PLCG1: variants seen among roughly 807,000 people sequenced by gnomAD.
PLCG1 encodes phospholipase C gamma 1.
PLCG1 carries 71 observed loss-of-function variants against 177.8 expected under a neutral mutation model. That is an observed-to-expected ratio of 0.40 (90% CI 0.33 to 0.49). The LOEUF is 0.49. Ranked by LOEUF, PLCG1 falls within the 20% of genes least tolerant of loss-of-function variation. PLCG1 has a pLI of 0.72. For missense variants in PLCG1, 1,281 were observed against 1,709.0 expected (o/e 0.75, Z 4.42); for synonymous variants, 658 against 647.9 (o/e 1.02, Z -0.24).
At position 41,172,666 on chromosome 20, in the gene PLCG1, G is replaced by A. The variant is rs749654975; in HGVS notation, c.3130+21G>A. On this transcript the variant is annotated intron_variant, in intron 26 of 31. Coordinates refer to ENST00000685551, the MANE Select transcript of PLCG1 (RefSeq NM_002660.3). This position sits in a 1 kb window ranked among gnomAD's most constrained non-coding sequence, Gnocchi z 7.0. The stretch of plus-strand genomic sequence containing the variant: ...CCCTGGTGAGGAAGTCCCCTGTGAG[G>A]AGGGTGAGGAGGGGCACTGTGGGGC... The A allele has an allele frequency of 6.2e-7, 1 of 1,612,936 alleles. No homozygotes were observed. The highest frequency in any genetic ancestry group is 1.1e-5 in the South Asian group (1 of 91,022).
At chr20:41,138,504 T>G (rs1243875909) in intron 1 of PLCG1, among the ~76,000 whole-genome samples, 1 of 151,376 alleles carries the variant, frequency 6.6e-6, no homozygotes, top group Non-Finnish European at 1.5e-5. Flanking sequence ...TTCTGCTACT[T>G]TTGTCCCAAA....
rs1405503969 is a variant in PLCG1, at chr20:41,163,523, G to A, written c.891+44G>A. On this transcript the variant is annotated intron_variant, in intron 9 of 31. Transcript: ENST00000685551. The surrounding 1 kb of genome is among the most constrained non-coding windows in gnomAD (Gnocchi z 5.2). Reference sequence around the variant, plus strand: ...CCATTTTTTGTCAAGAGAATGAGTAGGGGTGACCAGGACCCCACCCGGGCT... The same window carrying A: ...CCATTTTTTGTCAAGAGAATGAGTAAGGGTGACCAGGACCCCACCCGGGCT... 3.6e-6 allele frequency: 5 copies of A among 1,403,886 alleles called. No individual in the cohort carries two copies. Among genetic ancestry groups the A allele is most frequent in the Non-Finnish European group, 5.0e-6 (5 of 992,374 alleles). 87.0% of individuals were successfully genotyped at this position (1,403,886 alleles called of 1,614,324 possible). A position where few individuals can be genotyped will look rare whatever the true frequency, so the allele number is the denominator to read the frequency against.
rs2035823454 is a variant in PLCG1, at chr20:41,169,480, A to G, written c.2604A>G (p.Leu868=). 1 of 1,613,646 alleles carries G rather than the reference A, an allele frequency of 6.2e-7. No individual in the cohort carries two copies. The highest frequency in any genetic ancestry group is 8.5e-7 in the Non-Finnish European group (1 of 1,179,654). The part of the protein sequence containing the change: ...EREHLDENSP[L]GDLLRGVLDV... ...AGCACTTGGACGAGAACAGCCCCCT[A>G]GGGGACTTGCTGCGGGGGGTCTTGG... Residue 868 remains leucine, a synonymous_variant, in exon 23 of 32, where the codon CTA becomes CTG. Transcript: ENST00000685551.
In PLCG1 at chr20:41,146,832, C is replaced by T. The variant is rs1333748923; in HGVS notation, c.217+8974C>T. 6.6e-6 allele frequency among the ~76,000 whole-genome samples: 1 copy of T among 152,036 alleles called. No individual in the cohort carries two copies. The highest frequency in any genetic ancestry group is 1.5e-5 in the Non-Finnish European group (1 of 68,000). ...GGATGTGTGGTGGGAGAATTCCAAC[C>T]CCACCTTGACTTCAGCCTAAGGCCC... is the stretch of plus-strand genomic sequence containing the variant. On this transcript the variant is annotated intron_variant, in intron 1 of 31. Coordinates refer to ENST00000685551, the MANE Select transcript of PLCG1 (RefSeq NM_002660.3). The surrounding 1 kb of genome is among the most constrained non-coding windows in gnomAD (Gnocchi z 6.3).
chr20:41,164,960 C>T lies in PLCG1; in HGVS notation c.1245C>T (p.Asp415=), dbSNP rs746349415. 3.7e-6 allele frequency: 6 copies of T among 1,614,012 alleles called. No individual in the cohort carries two copies. Among genetic ancestry groups the T allele is most frequent in the Non-Finnish European group, 4.2e-6 (5 of 1,179,982 alleles). The change falls in exon 13 of 32, where the codon GAC becomes GAT. Residue 415 remains aspartate (D), a synonymous_variant. Transcript: ENST00000685551. The surrounding 1 kb of genome is among the most constrained non-coding windows in gnomAD (Gnocchi z 6.4). The part of the protein sequence containing the change: ...SEYPVILSIE[D]HCSIAQQRNM... Reference sequence around the variant, plus strand: ...ACCCAGTCATCCTGTCCATTGAGGACCACTGCAGCATTGCCCAGCAGAGAA... The same window carrying T: ...ACCCAGTCATCCTGTCCATTGAGGATCACTGCAGCATTGCCCAGCAGAGAA...
chr20:41,146,588 A>G lies in PLCG1; in HGVS notation c.217+8730A>G, dbSNP rs1003660299. Reference sequence around the variant, plus strand: ...GAGTTGGGCCATGGCGAGTTTGGCCACTTGTTTGTGTGTGTTTAGTTCTTC... The same window carrying G: ...GAGTTGGGCCATGGCGAGTTTGGCCGCTTGTTTGTGTGTGTTTAGTTCTTC... On this transcript the variant is annotated intron_variant, in intron 1 of 31. Coordinates refer to ENST00000685551, the MANE Select transcript of PLCG1 (RefSeq NM_002660.3). This position sits in a 1 kb window ranked among gnomAD's most constrained non-coding sequence, Gnocchi z 6.3. Among the ~76,000 whole-genome samples, 2 of 152,192 alleles carry G rather than the reference A, an allele frequency of 1.3e-5. No individual in the cohort carries two copies. The highest frequency in any genetic ancestry group is 3.8e-4 in the East Asian group (2 of 5,200).
rs1310334089 is a variant in PLCG1 at position 41,163,420 on chromosome 20, C to T, written c.832C>T (p.Leu278Phe). 1.9e-6 allele frequency: 3 copies of T among 1,613,208 alleles called. No individual in the cohort carries two copies. The highest frequency in any genetic ancestry group is 2.5e-6 in the Non-Finnish European group (3 of 1,179,616). The change falls in exon 9 of 32, where the codon CTC (leucine) becomes TTC (phenylalanine). Residue 278 changes from leucine to phenylalanine, a missense_variant. Physicochemically the swap from Leu to Phe is conservative, Grantham distance 22. Coordinates refer to ENST00000685551, the MANE Select transcript of PLCG1 (RefSeq NM_002660.3). The surrounding 1 kb of genome is among the most constrained non-coding windows in gnomAD (Gnocchi z 5.2). ...TCGCCTCCAGGTGCAGGAGTTCATG[C>T]TCAGCTTCCTCCGAGACCCCTTACG... is the stretch of plus-strand genomic sequence containing the variant. Reference protein sequence around the residue: ...VDRLQVQEFMLSFLRDPLREI... With the variant: ...VDRLQVQEFMFSFLRDPLREI...
rs1432167958 is a variant in PLCG1, at chr20:41,165,152, C to T, written c.1386+51C>T. 1 of 1,602,852 alleles carries T rather than the reference C, an allele frequency of 6.2e-7. No individual in the cohort carries two copies. Among genetic ancestry groups the T allele is most frequent in the South Asian group, 1.1e-5 (1 of 89,328 alleles). ...GCCCCACACTTCTCAGTGCCTTGCC[C>T]AGGCCATGGCTTCAGCTGTTGGGCC... On this transcript the variant is annotated intron_variant, in intron 13 of 31. Transcript: ENST00000685551. The surrounding 1 kb of genome is among the most constrained non-coding windows in gnomAD (Gnocchi z 6.6).
chr20:41,174,340 A>C lies in PLCG1; in HGVS notation c.3833+29A>C, dbSNP rs1364971781. 6.2e-7 allele frequency: 1 copy of C among 1,608,476 alleles called. No homozygotes were observed. The highest frequency in any genetic ancestry group is 2.2e-5 in the East Asian group (1 of 44,748). ...AGGAAGATGGAGGGGTGCTAGAGCC[A>C]GGAAGGCAGTGGCTAGGTCCTCCTT... On this transcript the variant is annotated intron_variant, in intron 31 of 31. Coordinates refer to ENST00000685551, the MANE Select transcript of PLCG1 (RefSeq NM_002660.3). The surrounding 1 kb of genome is among the most constrained non-coding windows in gnomAD (Gnocchi z 5.8).
chr20:41,154,066 C>G (rs1278717433), intron 1 of PLCG1, among the ~76,000 whole-genome samples: 2 of 152,190 alleles, frequency 1.3e-5, no homozygotes, highest in African/African-American at 4.8e-5. Flanking sequence ...TGGCATCTCA[C>G]TGTAGTCCAA....
In PLCG1 at chr20:41,170,267, A is replaced by G; in HGVS notation, c.2806A>G (p.Arg936Gly). Residue 936 changes from arginine (R) to glycine (G), a missense_variant and splice_region_variant, in exon 24 of 32, where the codon AGG becomes GGG. Arg to Gly is a moderately radical substitution (Grantham distance 125). Coordinates refer to ENST00000685551, the MANE Select transcript of PLCG1 (RefSeq NM_002660.3). ...TGAAGTGGCCCAGACAGCAGACGCC[A>G]GGGTGAGATTCTGCTGGAACCTTCT... ...IREVAQTADA[R>G]LTEGKIMERR... 6.2e-7 allele frequency: 1 copy of G among 1,614,122 alleles called. No individual in the cohort carries two copies. Among genetic ancestry groups the G allele is most frequent in the Non-Finnish European group, 8.5e-7 (1 of 1,179,990 alleles).
rs943192085 is a variant in PLCG1 at position 41,153,678 on chromosome 20, C to T, written c.218-5928C>T. Among the ~76,000 whole-genome samples the T allele has an allele frequency of 6.6e-6, 1 of 152,210 alleles. No individual in the cohort carries two copies. The highest frequency in any genetic ancestry group is 1.5e-5 in the Non-Finnish European group (1 of 68,030). The stretch of plus-strand genomic sequence containing the variant: ...TTGGGAGGCCGAGGCAGGCGAATCA[C>T]TGGAGGTCAGGAGTTTGAGAGCAGC... On this transcript the variant is annotated intron_variant, in intron 1 of 31. Coordinates refer to ENST00000685551, the MANE Select transcript of PLCG1 (RefSeq NM_002660.3). The surrounding 1 kb of genome is among the most constrained non-coding windows in gnomAD (Gnocchi z 5.1).
chr20:41,172,917 C>A lies in PLCG1; in HGVS notation c.3279+40C>A. 6.3e-7 allele frequency: 1 copy of A among 1,598,876 alleles called. No individual in the cohort carries two copies. On this transcript the variant is annotated intron_variant, in intron 27 of 31. Coordinates refer to ENST00000685551, the MANE Select transcript of PLCG1 (RefSeq NM_002660.3). The surrounding 1 kb of genome is among the most constrained non-coding windows in gnomAD (Gnocchi z 7.0). ...TCTGGGCTTCAGGGTAGGAAAGGGG[C>A]TGCTTGCCGTTGGAGTCTGTTTATG...
At position 41,148,150 on chromosome 20, in the gene PLCG1, G is replaced by A. The variant is rs1288589785; in HGVS notation, c.217+10292G>A. Among the ~76,000 whole-genome samples, 1 of 152,142 alleles carries A rather than the reference G, an allele frequency of 6.6e-6. No homozygotes were observed. The highest frequency in any genetic ancestry group is 1.5e-5 in the Non-Finnish European group (1 of 68,028). On this transcript the variant is annotated intron_variant, in intron 1 of 31. Coordinates refer to ENST00000685551, the MANE Select transcript of PLCG1 (RefSeq NM_002660.3). This position sits in a 1 kb window ranked among gnomAD's most constrained non-coding sequence, Gnocchi z 4.3. ...ACGACTTCCGGTCATTATTTAGAAC[G>A]TCTCCAGCCCCACAGATTTACTCTG...
chr20:41,157,891 T>A lies in PLCG1; in HGVS notation c.218-1715T>A, dbSNP rs868406670. Among the ~76,000 whole-genome samples, 4 of 152,136 alleles carry A rather than the reference T, an allele frequency of 2.6e-5. No individual in the cohort carries two copies. Among genetic ancestry groups the A allele is most frequent in the Non-Finnish European group, 4.4e-5 (3 of 68,022 alleles). On this transcript the variant is annotated intron_variant, in intron 1 of 31. Coordinates refer to ENST00000685551, the MANE Select transcript of PLCG1 (RefSeq NM_002660.3). The surrounding 1 kb of genome is among the most constrained non-coding windows in gnomAD (Gnocchi z 5.4). ...TGTTTGTTGTTTGTTCTCCTTAGACTGGCAGTGGGCAGCCTCGGGAGGGGC... is the reference window on the plus strand; with the variant it reads ...TGTTTGTTGTTTGTTCTCCTTAGACAGGCAGTGGGCAGCCTCGGGAGGGGC...
In PLCG1 at chr20:41,150,089, C is replaced by A. The variant is rs377126240; in HGVS notation, c.218-9517C>A. ...CTGTAGTCCCAGCTACCTGAAAGGC[C>A]AAGGTGGGAGGATCACCTGCACCTG... is the stretch of plus-strand genomic sequence containing the variant. On this transcript the variant is annotated intron_variant, in intron 1 of 31. Coordinates refer to ENST00000685551, the MANE Select transcript of PLCG1 (RefSeq NM_002660.3). This position sits in a 1 kb window ranked among gnomAD's most constrained non-coding sequence, Gnocchi z 4.0. Among the ~76,000 whole-genome samples the A allele has an allele frequency of 5.1e-4, 77 of 152,252 alleles. 1 individual carries two copies. Among genetic ancestry groups the A allele is most frequent in the East Asian group, 4.8e-3 (25 of 5,186 alleles).
Position 41,160,273 on chromosome 20 carries a change from G to T in PLCG1, c.512+120G>T. 1 of 869,456 alleles carries T rather than the reference G, an allele frequency of 1.2e-6. No homozygotes were observed. Among genetic ancestry groups the T allele is most frequent in the South Asian group, 1.4e-5 (1 of 72,974 alleles). The allele number at this position is 869,456 out of a possible 1,614,324, so 53.9% of individuals were successfully genotyped here. ...ACCCAGGGGACCTTAAGTGGGGCCA[G>T]GAGGGTGGGCAGAAGGTTCTGCCAC... is the stretch of plus-strand genomic sequence containing the variant. On this transcript the variant is annotated intron_variant, in intron 4 of 31. Coordinates refer to ENST00000685551, the MANE Select transcript of PLCG1 (RefSeq NM_002660.3). This position sits in a 1 kb window ranked among gnomAD's most constrained non-coding sequence, Gnocchi z 5.5.
rs369607118 is a variant in PLCG1, at chr20:41,169,054, G to A, written c.2484-25G>A. On this transcript the variant is annotated intron_variant, in intron 21 of 31. Transcript: ENST00000685551. ...ATGGGAGTTCGGGGTGGTTGCTGGAGGTCAGCACCCTGTGGCTCCCACAGG... is the reference window on the plus strand; with the variant it reads ...ATGGGAGTTCGGGGTGGTTGCTGGAAGTCAGCACCCTGTGGCTCCCACAGG... 1.1e-5 allele frequency: 17 copies of A among 1,578,756 alleles called. No homozygotes were observed. In the African/African-American group the frequency reaches 2.3e-4, roughly 21 times the overall value.
rs1568757778 is a variant in PLCG1 at position 41,172,145 on chromosome 20, TG to T, written c.2809-45del. 1 of 1,484,394 alleles carries T rather than the reference TG, an allele frequency of 6.7e-7. No homozygotes were observed. The highest frequency in any genetic ancestry group is 1.7e-5 in the Admixed American group (1 of 59,842). 92.0% of individuals were successfully genotyped at this position (1,484,394 alleles called of 1,614,324 possible). On this transcript the variant is annotated intron_variant, in intron 24 of 31. Coordinates refer to ENST00000685551, the MANE Select transcript of PLCG1 (RefSeq NM_002660.3). This position sits in a 1 kb window ranked among gnomAD's most constrained non-coding sequence, Gnocchi z 7.0. ...AAGGTTGGCAGGGGCTTCCTTCTCCTGGGCAGGGCTGTAGCCTGGGGCTACA... is the reference window on the plus strand; with the variant it reads ...AAGGTTGGCAGGGGCTTCCTTCTCCTGGCAGGGCTGTAGCCTGGGGCTACA...
Sources: allele counts gnomAD v4.1 joint callset (sites outside exome capture counted in the v4.1 genomes callset), GRCh38; gene constraint gnomAD v4.1.1; non-coding constraint Gnocchi (gnomAD v3.1); transcripts MANE v1.5; gene names NCBI Gene and HGNC (gene_info 2026-07-23, HGNC 2026-07-21).